The following ARHGAP10 variants were observed in gnomAD, a reference collection of about 807,000 sequenced individuals.
ARHGAP10 encodes Rho GTPase activating protein 10.
In ARHGAP10, 87 loss-of-function variants were observed where a neutral mutation model predicts 108.6. That is an observed-to-expected ratio of 0.80 (90% CI 0.67 to 0.96). The LOEUF (loss-of-function observed/expected upper bound fraction) is 0.96. ARHGAP10 is among the 40% of genes least tolerant of loss of function. The pLI, the probability that ARHGAP10 is intolerant of heterozygous loss-of-function variation, is 0.00. For synonymous variants in ARHGAP10, 347 were observed against 341.1 expected (o/e 1.02, Z -0.19); for missense variants, 939 against 954.5 (o/e 0.98, Z 0.21).
At chr4:148,006,754 T>A (rs1269503280) in intron 18 of ARHGAP10, among the ~76,000 whole-genome samples, 1 of 152,182 alleles carries the variant, frequency 6.6e-6, no homozygotes, top group Non-Finnish European at 1.5e-5. Context: ...ATAAAAAAAC[T>A]CTGACAGTGA....
chr4:147,785,102 A>C (rs1346460892), intron 1 of ARHGAP10, among the ~76,000 whole-genome samples: 2 of 146,162 alleles, frequency 1.4e-5, no homozygotes, highest in African/African-American at 5.0e-5. Context: ...AAAAAAAAAG[A>C]ATAACATCTA....
At chr4:147,740,503 C>T (rs888878051) in intron 1 of ARHGAP10, among the ~76,000 whole-genome samples, 19 of 152,074 alleles carry the variant, frequency 1.2e-4, no homozygotes, top group African/African-American at 4.6e-4. Context: ...TTAGGATATT[C>T]TTTTTACATT....
At chr4:147,966,626 C>T (rs1195701265) in intron 17 of ARHGAP10, 54 bp from the exon 18 acceptor site, 3 of 1,456,780 alleles carry the variant, frequency 2.1e-6, no homozygotes, top group African/African-American at 2.8e-5. Context: ...TATTTACAGT[C>T]CACAATTTTT....
At chr4:147,824,145 C>T (rs1732612287) in intron 3 of ARHGAP10, among the ~76,000 whole-genome samples, 1 of 151,988 alleles carries the variant, frequency 6.6e-6, no homozygotes, top group South Asian at 2.1e-4. Flanking sequence ...CTTGGTGAAA[C>T]CCCATCTCTA....
chr4:148,033,297 A>G lies in ARHGAP10; in HGVS notation c.1867+9884A>G, dbSNP rs1299102358. Among the ~76,000 whole-genome samples the G allele has an allele frequency of 2.0e-5, 3 of 152,264 alleles. No homozygotes were observed. In the South Asian group the frequency reaches 6.2e-4, roughly 32 times the overall value. ...CCAGCCAAACACAGTCAGATGATGC[A>G]GATGTCTTACTCATCACACATAGGC... On this transcript the variant is annotated intron_variant, in intron 19 of 22. Transcript: ENST00000336498.
At chr4:147,815,833 G>T (rs1377512213) in intron 1 of ARHGAP10, among the ~76,000 whole-genome samples, 9 of 152,290 alleles carry the variant, frequency 5.9e-5, no homozygotes, top group African/African-American at 2.2e-4. Flanking sequence ...GCCACTGCAC[G>T]CTAGTCTAGG....
chr4:147,949,145 A>T (rs1406607834), intron 15 of ARHGAP10, among the ~76,000 whole-genome samples: 1 of 152,180 alleles, frequency 6.6e-6, no homozygotes, highest in Admixed American at 6.5e-5. Flanking sequence ...TGTGTAAAGA[A>T]GATGTTTTCA....
intron 1 of ARHGAP10, among the ~76,000 whole-genome samples, chr4:147,799,388 T>A (rs1731483804): frequency 6.6e-6 from 1 of 152,174 alleles, no homozygotes; most frequent in African/African-American, 2.4e-5. Context: ...AAATTTGGAA[T>A]GTTTTCAGCC....
At chr4:148,058,484 C>G (rs906928762) in intron 20 of ARHGAP10, among the ~76,000 whole-genome samples, 4 of 152,134 alleles carry the variant, frequency 2.6e-5, no homozygotes, top group African/African-American at 9.7e-5. Context: ...TCTAGTGCTG[C>G]CCAAAGCCTG....
chr4:148,068,721 G>C (rs1002540175), intron 22 of ARHGAP10, among the ~76,000 whole-genome samples: 6 of 152,240 alleles, frequency 3.9e-5, no homozygotes, highest in Non-Finnish European at 7.3e-5. Context: ...CCAGGACGCA[G>C]CCTCCCTGTG....
In ARHGAP10 at chr4:147,884,081, G is replaced by T. The variant is rs79629186; in HGVS notation, c.1034+2149G>T. Among the ~76,000 whole-genome samples, 843 of 152,322 alleles carry T rather than the reference G, an allele frequency of 5.5e-3. 11 individuals are homozygous for T. The highest frequency in any genetic ancestry group is 0.025 in the East Asian group (132 of 5,178). ...TTTTCTAAATAATTGACAAAGATGAGCTAGCAGTCTACTAGAGAATATGTT... is the reference window on the plus strand; with the variant it reads ...TTTTCTAAATAATTGACAAAGATGATCTAGCAGTCTACTAGAGAATATGTT... On this transcript the variant is annotated intron_variant, in intron 10 of 22. Coordinates refer to ENST00000336498, the MANE Select transcript of ARHGAP10 (RefSeq NM_024605.4).
chr4:147,988,666 A>G (rs944499679), intron 18 of ARHGAP10, among the ~76,000 whole-genome samples: 1 of 152,230 alleles, frequency 6.6e-6, no homozygotes, highest in Non-Finnish European at 1.5e-5. Context: ...GGAAACCAAG[A>G]GCTGCAACAT....
intron 7 of ARHGAP10, among the ~76,000 whole-genome samples, chr4:147,874,189 A>G (rs1174350046): frequency 6.6e-6 from 1 of 152,212 alleles, no homozygotes; most frequent in East Asian, 1.9e-4. Flanking sequence ...GAGAAATTTC[A>G]ATAATAATTT....
intron 3 of ARHGAP10, among the ~76,000 whole-genome samples, chr4:147,845,945 A>G (rs769724671): frequency 3.9e-5 from 6 of 152,180 alleles, no homozygotes; most frequent in Non-Finnish European, 7.3e-5. Context: ...TGTAGGTCAC[A>G]TGGTCTAAAA....
chr4:147,763,657 G>A (rs768623153), intron 1 of ARHGAP10, among the ~76,000 whole-genome samples: 1 of 151,906 alleles, frequency 6.6e-6, no homozygotes, highest in Non-Finnish European at 1.5e-5. Context: ...TTGGGATGAA[G>A]GCTGGGCATT....
chr4:147,867,096 T>A (rs1362724855), intron 7 of ARHGAP10, among the ~76,000 whole-genome samples: 1 of 152,118 alleles, frequency 6.6e-6, no homozygotes, highest in African/African-American at 2.4e-5. Context: ...CTATGTCTGC[T>A]ACAGACAAAA....
At chr4:148,022,523 G>C (rs1385170652) in intron 18 of ARHGAP10, among the ~76,000 whole-genome samples, 1 of 152,190 alleles carries the variant, frequency 6.6e-6, no homozygotes, top group East Asian at 1.9e-4. Flanking sequence ...TCTATTATCA[G>C]TCACCTCTGT....
intron 4 of ARHGAP10, among the ~76,000 whole-genome samples, chr4:147,851,972 C>T (rs1409387468): frequency 6.6e-6 from 1 of 152,144 alleles, no homozygotes; most frequent in African/African-American, 2.4e-5. Flanking sequence ...GACTTAAGGC[C>T]TCTAAGTCTC....
At chr4:148,043,825 A>C (rs371511251) in intron 19 of ARHGAP10, among the ~76,000 whole-genome samples, 7 of 147,726 alleles carry the variant, frequency 4.7e-5, no homozygotes, top group Non-Finnish European at 1.0e-4. Flanking sequence ...GTTGTTGAAC[A>C]TAGAATATTT....
Sources: allele counts gnomAD v4.1 joint callset (sites outside exome capture counted in the v4.1 genomes callset), GRCh38; gene constraint gnomAD v4.1.1; transcripts MANE v1.5; gene names NCBI Gene and HGNC (gene_info 2026-07-23, HGNC 2026-07-21).